Variants in HERC2 observed in about 807,000 individuals in gnomAD.
The protein encoded by HERC2 is E3 ubiquitin-protein ligase HERC2.
A neutral mutation model predicts 537.7 loss-of-function variants in HERC2; 102 were observed. The ratio of observed to expected loss-of-function variants is 0.19; its 90% CI spans 0.16 to 0.22. The LOEUF (loss-of-function observed/expected upper bound fraction) is 0.22. HERC2 is among the 10% of genes least tolerant of loss of function. HERC2 has a pLI of 1.00. For synonymous variants in HERC2, 2,224 were observed against 2,466.2 expected (o/e 0.90, Z 2.91); for missense variants, 4,236 against 6,198.2 (o/e 0.68, Z 10.63).
chr15:28,307,665 G>A lies in HERC2; in HGVS notation c.73-8149C>T, dbSNP rs369908971. On this transcript the variant is annotated intron_variant, in intron 2 of 92. Transcript: ENST00000261609. ...GTTGGTGGAGTTTCCAAAATTCCTC[G>A]TTATCAATTTTTAGTTATAGTCCAT... 2.0e-4 allele frequency among the ~76,000 whole-genome samples: 31 copies of A among 152,202 alleles called. No homozygotes were observed. In the South Asian group the frequency reaches 3.3e-3, roughly 16 times the overall value.
chr15:28,137,305 C>T (rs923532030), intron 78 of HERC2, among the ~76,000 whole-genome samples: 1 of 152,100 alleles, frequency 6.6e-6, no homozygotes, highest in African/African-American at 2.4e-5. Flanking sequence ...CACAATGATC[C>T]CTGCTTCTAA....
intron 3 of HERC2, among the ~76,000 whole-genome samples, chr15:28,296,454 C>T (rs1179880007): frequency 6.6e-6 from 1 of 152,042 alleles, no homozygotes; most frequent in South Asian, 2.1e-4. Flanking sequence ...GCCTGAGCGA[C>T]AGAACAAGAC....
chr15:28,245,127 A>G (rs181277629), intron 23 of HERC2, among the ~76,000 whole-genome samples: 5 of 152,190 alleles, frequency 3.3e-5, no homozygotes, highest in Admixed American at 1.3e-4. Context: ...CCCATTATCA[A>G]TCTCTGCCTC....
At chr15:28,112,663 T>C (rs1360827474) in intron 92 of HERC2, among the ~76,000 whole-genome samples, 1 of 152,076 alleles carries the variant, frequency 6.6e-6, no homozygotes, top group East Asian at 1.9e-4. Context: ...AGCTTGTTTC[T>C]GACCACCGGC....
intron 52 of HERC2, among the ~76,000 whole-genome samples, chr15:28,192,385 C>T (rs1466728794): frequency 3.9e-5 from 6 of 152,162 alleles, no homozygotes; most frequent in Non-Finnish European, 8.8e-5. Context: ...CAGGGAACAA[C>T]AGCAGATTAA....
rs201780395 is a variant in HERC2 at position 28,174,502 on chromosome 15, C to A, written c.9950G>T (p.Gly3317Val). ...EGQKITRVACGSSHSVAWTTV... is the reference protein window; with the variant it reads ...EGQKITRVACVSSHSVAWTTV... ...TGTCCACGCCACACTGTGGGACGAC[C>A]CACAAGCCACGCGTGTGATCTTCTG... Residue 3317 changes from glycine to valine, a missense_variant, in exon 65 of 93, where the codon GGG becomes GTG. Gly to Val is a moderately radical substitution (Grantham distance 109). Around this residue, in one of 27 missense-constraint regions of HERC2, gnomAD observed 93 missense variants for 265.1 expected, o/e 0.35. Coordinates refer to ENST00000261609, the MANE Select transcript of HERC2 (RefSeq NM_004667.6). 6.2e-7 allele frequency: 1 copy of A among 1,614,010 alleles called. No homozygotes were observed. The highest frequency in any genetic ancestry group is 8.5e-7 in the Non-Finnish European group (1 of 1,179,898).
At position 28,186,640 on chromosome 15, in the gene HERC2, G is replaced by C. The variant is rs1197396717; in HGVS notation, c.8762C>G (p.Ala2921Gly). 2 of 1,614,110 alleles carry C rather than the reference G, an allele frequency of 1.2e-6. No homozygotes were observed. The highest frequency in any genetic ancestry group is 1.7e-6 in the Non-Finnish European group (2 of 1,179,998). ...GRIRAEEEDL[A>G]AVPFLASDNE... ...ATCCGAAGCTAAGAAAGGAACTGCA[G>C]CCAAATCTTCCTCTTCTGCACGGAT... The change falls in exon 56 of 93, where the codon GCT (alanine) becomes GGT (glycine). Residue 2921 changes from alanine (A) to glycine (G), a missense_variant. By Grantham distance (60) the Ala-to-Gly change is moderately conservative (BLOSUM62 0). Around this residue, in one of 27 missense-constraint regions of HERC2, gnomAD observed 606 missense variants for 884.5 expected, o/e 0.69. Transcript: ENST00000261609.
chr15:28,210,619 G>A (rs915800907), intron 44 of HERC2, among the ~76,000 whole-genome samples: 8 of 151,844 alleles, frequency 5.3e-5, no homozygotes, highest in African/African-American at 1.9e-4. Flanking sequence ...ATGGAGTGCG[G>A]CTTTACGCGC....
chr15:28,319,573 A>G (rs1248626480), intron 2 of HERC2, among the ~76,000 whole-genome samples: 5 of 145,064 alleles, frequency 3.4e-5, no homozygotes, highest in Non-Finnish European at 7.5e-5. Context: ...CGACAGAGCA[A>G]GACTGCGTCT....
Position 28,125,003 on chromosome 15 carries a change from C to T in HERC2, c.12990+3G>A. On this transcript the variant is annotated splice_donor_region_variant and intron_variant, in intron 84 of 92. Transcript: ENST00000261609. ...CCGACCCACCCAACCTGCCCGGACT[C>T]ACCTGTGCAGGGAGTTTGCCAGCAC... 6.3e-7 allele frequency: 1 copy of T among 1,592,804 alleles called. No homozygotes were observed. Among genetic ancestry groups the T allele is most frequent in the Non-Finnish European group, 8.6e-7 (1 of 1,162,238 alleles).
intron 23 of HERC2, among the ~76,000 whole-genome samples, chr15:28,242,452 C>A (rs769886356): frequency 6.6e-6 from 1 of 152,182 alleles, no homozygotes; most frequent in Non-Finnish European, 1.5e-5. Context: ...GACAAACTAA[C>A]GTTCTCTGGT....
chr15:28,288,848 CA>C (rs374534381), intron 4 of HERC2, among the ~76,000 whole-genome samples: 3,028 of 74,868 alleles, frequency 0.04, 67 homozygotes, highest in African/African-American at 0.11. Context: ...AACTCCATCT[CA>C]AAAAAAAAAA....
chr15:28,269,583 T>A, intron 10 of HERC2, 147 bp from the exon 11 acceptor site: 1 of 627,080 alleles, frequency 1.6e-6, no homozygotes, highest in Non-Finnish European at 2.7e-6. Flanking sequence ...CATACCAGCC[T>A]GTATTACCTC....
intron 43 of HERC2, among the ~76,000 whole-genome samples, chr15:28,212,201 G>A (rs527416867): frequency 3.3e-4 from 51 of 152,316 alleles, no homozygotes; most frequent in African/African-American, 1.1e-3. Flanking sequence ...AGGGTGACAC[G>A]GAGAAGAGGG....
At chr15:28,246,994 T>C (rs927569294) in intron 21 of HERC2, 97 bp from the exon 22 acceptor site, 1 of 1,038,316 alleles carries the variant, frequency 9.6e-7, no homozygotes, top group African/African-American at 1.6e-5. Context: ...CTACACATCT[T>C]TTACCCATAA....
Position 28,272,296 on chromosome 15 carries a change from G to A in HERC2, c.1002C>T (p.Ser334=), listed in dbSNP as rs775231610. 8.7e-5 allele frequency: 140 copies of A among 1,612,288 alleles called. No individual in the cohort carries two copies. The highest frequency in any genetic ancestry group is 1.0e-4 in the Non-Finnish European group (121 of 1,179,296). ...TTTGCAGCAAGGGCAAAAGTGGGGCGCTGGTGCCCTGGGCGGAACGCTCAT... is the reference window on the plus strand; with the variant it reads ...TTTGCAGCAAGGGCAAAAGTGGGGCACTGGTGCCCTGGGCGGAACGCTCAT... ...TDNERSAQGT[S]APLLPLLQRF... The change falls in exon 9 of 93, where the codon AGC becomes AGT. Residue 334 remains serine, a synonymous_variant. Transcript: ENST00000261609.
At chr15:28,140,044 G>C (rs1891050879) in intron 78 of HERC2, among the ~76,000 whole-genome samples, 1 of 151,636 alleles carries the variant, frequency 6.6e-6, no homozygotes, top group Non-Finnish European at 1.5e-5. Context: ...CTCCAGCCTG[G>C]GCGACAGAGT....
chr15:28,248,733 G>A lies in HERC2; in HGVS notation c.3054C>T (p.Asn1018=), dbSNP rs370016361. The A allele has an allele frequency of 1.1e-5, 17 of 1,610,674 alleles. No homozygotes were observed. In the African/African-American group the frequency reaches 2.3e-4, roughly 22 times the overall value. ...ATCTGGCTACAGTCTGAGAAGCAAT[G>A]TTTCTATACAGGAAAGAAGAGGATT... ...LVQLIQQLLR[N]IASQTVARLK... is the part of the protein sequence containing the mutation. The change falls in exon 21 of 93, where the codon AAC becomes AAT. Residue 1018 remains asparagine (N), a synonymous_variant. Transcript: ENST00000261609.
At chr15:28,180,565 T>C (rs1895728720) in intron 57 of HERC2, among the ~76,000 whole-genome samples, 2 of 152,166 alleles carry the variant, frequency 1.3e-5, no homozygotes, top group Non-Finnish European at 2.9e-5. Context: ...CGTAGACAGC[T>C]GCTGGTAACT....
Sources: allele counts gnomAD v4.1 joint callset (sites outside exome capture counted in the v4.1 genomes callset), GRCh38; gene constraint gnomAD v4.1.1; regional missense constraint gnomAD v4.1.1; transcripts MANE v1.5; gene names NCBI Gene and HGNC (gene_info 2026-07-23, HGNC 2026-07-21).